TTC28: variants seen among roughly 807,000 people sequenced by gnomAD.
The protein encoded by TTC28 is tetratricopeptide repeat protein 28.
A neutral mutation model predicts 198.0 loss-of-function variants in TTC28; 61 were observed. That is an observed-to-expected ratio of 0.31 (90% confidence interval 0.25 to 0.38). The LOEUF (loss-of-function observed/expected upper bound fraction) is 0.38, where lower values mean the gene tolerates loss of function less well. Among genes scored for constraint, TTC28 ranks in the 10% least tolerant of loss-of-function variants. TTC28 has a pLI of 1.00. For synonymous variants in TTC28, 1,171 were observed against 1,297.8 expected (o/e 0.90, Z 2.10); for missense variants, 2,678 against 3,164.0 (o/e 0.85, Z 3.69).
At chr22:28,436,244 C>T (rs981690845) in intron 2 of TTC28, among the ~76,000 whole-genome samples, 3 of 152,188 alleles carry the variant, frequency 2.0e-5, no homozygotes, top group African/African-American at 7.2e-5. Flanking sequence ...GTCAGAAGAT[C>T]TTGCCAACTG....
intron 5 of TTC28, among the ~76,000 whole-genome samples, chr22:28,200,804 T>G (rs74717952): frequency 0.021 from 3,143 of 152,278 alleles, 127 homozygotes; most frequent in East Asian, 0.16. Flanking sequence ...AGCAGGATTA[T>G]AAACCTCTGC....
chr22:28,634,355 C>T (rs763964309), intron 1 of TTC28, among the ~76,000 whole-genome samples: 88 of 151,960 alleles, frequency 5.8e-4, no homozygotes, highest in Non-Finnish European at 5.6e-4. Context: ...ATTAAAAATA[C>T]TAAAATTAGC....
At chr22:28,671,634 CA>C (rs370262568) in intron 1 of TTC28, among the ~76,000 whole-genome samples, 1,172 of 81,592 alleles carry the variant, frequency 0.014, 14 homozygotes, top group African/African-American at 0.041. Context: ...GACTCCATCT[CA>C]AAAAAAAAAA....
intron 2 of TTC28, among the ~76,000 whole-genome samples, chr22:28,351,467 G>A (rs1353867174): frequency 1.3e-5 from 2 of 152,142 alleles, no homozygotes; most frequent in Non-Finnish European, 2.9e-5. Flanking sequence ...GACGTGAAAA[G>A]CCTTTGTGAA....
intron 2 of TTC28, among the ~76,000 whole-genome samples, chr22:28,349,278 A>T (rs1171294408): frequency 6.6e-6 from 1 of 152,152 alleles, no homozygotes; most frequent in African/African-American, 2.4e-5. Context: ...ATGATTCAAA[A>T]CCCCTGTAAT....
intron 12 of TTC28, among the ~76,000 whole-genome samples, chr22:28,077,305 T>C (rs1392860469): frequency 3.3e-5 from 5 of 152,196 alleles, no homozygotes. Context: ...CTTATTTATT[T>C]ACTGAAACAG....
chr22:28,403,691 T>C (rs969289547), intron 2 of TTC28, among the ~76,000 whole-genome samples: 8 of 152,192 alleles, frequency 5.3e-5, no homozygotes, highest in African/African-American at 9.6e-5. Flanking sequence ...CTGTAAATGA[T>C]AGTATCCTGT....
chr22:28,637,395 A>G (rs544661218), intron 1 of TTC28, among the ~76,000 whole-genome samples: 1 of 152,332 alleles, frequency 6.6e-6, no homozygotes, highest in African/African-American at 2.4e-5. Context: ...GGCATGTGAT[A>G]GCCAGTTTTC....
At chr22:28,569,886 G>C (rs2050034530) in intron 2 of TTC28, among the ~76,000 whole-genome samples, 1 of 152,092 alleles carries the variant, frequency 6.6e-6, no homozygotes, top group Non-Finnish European at 1.5e-5. Context: ...TTTAAAAATG[G>C]GCAGAGGACA....
chr22:28,120,497 C>A (rs1942756041), intron 6 of TTC28, among the ~76,000 whole-genome samples: 1 of 152,104 alleles, frequency 6.6e-6, no homozygotes, highest in Admixed American at 6.6e-5. Flanking sequence ...ACCTCCCAGC[C>A]CAGCACATTT....
intron 2 of TTC28, among the ~76,000 whole-genome samples, chr22:28,505,606 G>A (rs1427179737): frequency 1.3e-5 from 2 of 152,168 alleles, no homozygotes; most frequent in African/African-American, 4.8e-5. Context: ...AGGATACCAG[G>A]GCCTTGGGTC....
At chr22:28,311,376 T>C (rs2045253301) in intron 2 of TTC28, among the ~76,000 whole-genome samples, 3 of 152,124 alleles carry the variant, frequency 2.0e-5, no homozygotes, top group Admixed American at 6.6e-5. Flanking sequence ...AAAATGATTA[T>C]AAGAGGCCAA....
intron 2 of TTC28, among the ~76,000 whole-genome samples, chr22:28,606,734 T>C (rs2050742718): frequency 6.6e-6 from 1 of 152,196 alleles, no homozygotes; most frequent in East Asian, 1.9e-4. Context: ...ATACAAATTA[T>C]AAGCCTGTCA....
chr22:28,124,275 G>A (rs992387869), intron 6 of TTC28, among the ~76,000 whole-genome samples: 2 of 152,006 alleles, frequency 1.3e-5, no homozygotes, highest in Non-Finnish European at 2.9e-5. Flanking sequence ...CCAAAACAAA[G>A]TATGTGGCTT....
At chr22:28,673,517 G>T (rs900969439) in intron 1 of TTC28, among the ~76,000 whole-genome samples, 1 of 152,114 alleles carries the variant, frequency 6.6e-6, no homozygotes, top group East Asian at 1.9e-4. Context: ...TACTATGGAC[G>T]TAGTTCAGAA....
intron 2 of TTC28, among the ~76,000 whole-genome samples, chr22:28,426,871 T>C (rs2047358649): frequency 6.6e-6 from 1 of 152,222 alleles, no homozygotes; most frequent in South Asian, 2.1e-4. Flanking sequence ...CTACTACAGT[T>C]CACACTATCA....
At chr22:28,203,275 C>T (rs1363945180) in intron 5 of TTC28, among the ~76,000 whole-genome samples, 1 of 152,048 alleles carries the variant, frequency 6.6e-6, no homozygotes, top group Non-Finnish European at 1.5e-5. Context: ...GGGTAAGGAC[C>T]TACCACCTTG....
intron 5 of TTC28, among the ~76,000 whole-genome samples, chr22:28,179,816 T>A (rs376548401): frequency 2.6e-5 from 4 of 152,212 alleles, no homozygotes; most frequent in Admixed American, 6.5e-5. Context: ...TCCTGACCAA[T>A]ACAATACTGA....
chr22:28,554,260 T>C (rs1465108784), intron 2 of TTC28, among the ~76,000 whole-genome samples: 8 of 151,348 alleles, frequency 5.3e-5, no homozygotes, highest in Non-Finnish European at 1.2e-4. Context: ...GTCCTCTGCC[T>C]AGGAAAACCA....
Sources: allele counts gnomAD v4.1 joint callset (sites outside exome capture counted in the v4.1 genomes callset), GRCh38; gene constraint gnomAD v4.1.1; transcripts MANE v1.5; gene names NCBI Gene and HGNC (gene_info 2026-07-23, HGNC 2026-07-21).